Variants in PTPRR observed in about 807,000 individuals in gnomAD.
The protein encoded by PTPRR is protein tyrosine phosphatase receptor type R.
In PTPRR, 38 loss-of-function variants were observed where a neutral mutation model predicts 77.2. That is an observed-to-expected ratio of 0.49 (90% confidence interval 0.38 to 0.65). PTPRR has a LOEUF of 0.65. Ranked by LOEUF, PTPRR falls within the 30% of genes least tolerant of loss-of-function variation. The pLI is 0.00. For synonymous variants in PTPRR, 299 were observed against 283.1 expected, an observed-to-expected ratio of 1.06 and a Z score of -0.57; for missense variants, 744 against 799.2, an observed-to-expected ratio of 0.93 and a Z score of 0.83.
In PTPRR at chr12:70,848,765, T is replaced by C. The variant is rs61930366; in HGVS notation, c.357+43914A>G. On this transcript the variant is annotated intron_variant, in intron 2 of 13. Coordinates refer to ENST00000283228, the MANE Select transcript of PTPRR (RefSeq NM_002849.4). The stretch of plus-strand genomic sequence containing the variant: ...AATCATTCACAATTTAGATGACTTA[T>C]AGTTACACCAAAACACTGGGGTAGA... Among the ~76,000 whole-genome samples, 470 of 152,350 alleles carry C rather than the reference T, an allele frequency of 3.1e-3. 1 individual carries two copies. Among genetic ancestry groups the C allele is most frequent in the Non-Finnish European group, 5.7e-3 (386 of 68,034 alleles).
chr12:70,702,728 T>G lies in PTPRR; in HGVS notation c.1008-1405A>C, dbSNP rs540805082. Among the ~76,000 whole-genome samples, 3 of 152,326 alleles carry G rather than the reference T, an allele frequency of 2.0e-5. No homozygotes were observed. The South Asian group carries it at 6.2e-4, about 32-fold the overall frequency. On this transcript the variant is annotated intron_variant, in intron 6 of 13. Coordinates refer to ENST00000283228, the MANE Select transcript of PTPRR (RefSeq NM_002849.4). ...ATTTCTAAATGGTTTGTAATTGAGATTTTAATTTCTACTTTAATTTGATGG... is the reference window on the plus strand; with the variant it reads ...ATTTCTAAATGGTTTGTAATTGAGAGTTTAATTTCTACTTTAATTTGATGG...
At chr12:70,733,271 C>A (rs1293000550) in intron 6 of PTPRR, among the ~76,000 whole-genome samples, 1 of 151,224 alleles carries the variant, frequency 6.6e-6, no homozygotes, top group East Asian at 1.9e-4. Context: ...GAAAGTATAT[C>A]ATATTTAAAA....
At chr12:70,759,431 G>A (rs142625976) in intron 4 of PTPRR, among the ~76,000 whole-genome samples, 79 of 152,132 alleles carry the variant, frequency 5.2e-4, no homozygotes, top group Non-Finnish European at 9.1e-4. Context: ...GAGCATCTTC[G>A]TCTGTGGAGG....
chr12:70,848,566 T>C (rs1291695043), intron 2 of PTPRR, among the ~76,000 whole-genome samples: 2 of 152,188 alleles, frequency 1.3e-5, no homozygotes, highest in East Asian at 3.8e-4. Flanking sequence ...TCAAGTGATC[T>C]GTCCGCCTTG....
chr12:70,775,048 A>G (rs1378406472), intron 2 of PTPRR, among the ~76,000 whole-genome samples: 1 of 152,234 alleles, frequency 6.6e-6, no homozygotes, highest in Non-Finnish European at 1.5e-5. Flanking sequence ...TTTAACATAC[A>G]AATGATTTAA....
chr12:70,724,983 C>A (rs894091350), intron 6 of PTPRR, among the ~76,000 whole-genome samples: 6 of 151,970 alleles, frequency 3.9e-5, no homozygotes, highest in African/African-American at 1.2e-4. Flanking sequence ...TTAATAAGGG[C>A]TGGAGAAATA....
intron 2 of PTPRR, among the ~76,000 whole-genome samples, chr12:70,811,817 A>G (rs1355131762): frequency 1.3e-5 from 2 of 152,208 alleles, no homozygotes; most frequent in Non-Finnish European, 2.9e-5. Flanking sequence ...AATAGCTCTA[A>G]GCAGTGGACA....
At chr12:70,771,794 G>A (rs527977892) in intron 2 of PTPRR, among the ~76,000 whole-genome samples, 1 of 152,236 alleles carries the variant, frequency 6.6e-6, no homozygotes, top group African/African-American at 2.4e-5. Context: ...CATAAGGCCT[G>A]TCTTGGCAGT....
chr12:70,680,347 G>A (rs888175971), intron 10 of PTPRR, among the ~76,000 whole-genome samples: 5 of 152,248 alleles, frequency 3.3e-5, no homozygotes, highest in African/African-American at 1.2e-4. Context: ...TGCATCTGAT[G>A]GAATGGTCAA....
At chr12:70,709,691 C>T (rs4760784) in intron 6 of PTPRR, among the ~76,000 whole-genome samples, 47,832 of 151,652 alleles carry the variant, frequency 0.32, 7,774 homozygotes, top group South Asian at 0.48. Flanking sequence ...TCTTGTACAC[C>T]AACAACAGTC....
intron 6 of PTPRR, among the ~76,000 whole-genome samples, chr12:70,732,357 T>C (rs1889690788): frequency 6.6e-6 from 1 of 152,178 alleles, no homozygotes; most frequent in Non-Finnish European, 1.5e-5. Flanking sequence ...AAACAAATGA[T>C]TCAGAAGATC....
chr12:70,837,544 C>T (rs1039062826), intron 2 of PTPRR, among the ~76,000 whole-genome samples: 1 of 152,050 alleles, frequency 6.6e-6, no homozygotes, highest in African/African-American at 2.4e-5. Context: ...CTCAGGGAAA[C>T]ATGTTTACTT....
chr12:70,674,664 T>C (rs976882836), intron 10 of PTPRR, among the ~76,000 whole-genome samples: 3 of 152,196 alleles, frequency 2.0e-5, no homozygotes, highest in African/African-American at 7.2e-5. Flanking sequence ...TTGGTCACTT[T>C]TCACAAAATC....
intron 3 of PTPRR, among the ~76,000 whole-genome samples, chr12:70,763,473 G>A (rs1307157513): frequency 1.3e-5 from 2 of 152,112 alleles, no homozygotes; most frequent in African/African-American, 2.4e-5. Flanking sequence ...TCTGTGGTAT[G>A]AGTTAAAACT....
chr12:70,919,533 C>G (rs1592833578), intron 1 of PTPRR, among the ~76,000 whole-genome samples: 1 of 152,228 alleles, frequency 6.6e-6, no homozygotes, highest in East Asian at 1.9e-4. Flanking sequence ...TTTGCTTCCT[C>G]ACGAGACTTG....
chr12:70,760,587 C>T (rs1299166494), intron 4 of PTPRR, among the ~76,000 whole-genome samples: 1 of 152,076 alleles, frequency 6.6e-6, no homozygotes, highest in African/African-American at 2.4e-5. Context: ...TGAGGCCAGG[C>T]ATTCAAGACC....
intron 1 of PTPRR, among the ~76,000 whole-genome samples, chr12:70,912,984 TA>T (rs1014189351): frequency 6.6e-6 from 1 of 151,980 alleles, no homozygotes; most frequent in Non-Finnish European, 1.5e-5. Flanking sequence ...AATCCCCTTT[TA>T]AAGGAAAAAA....
At chr12:70,675,056 A>G (rs1887392836) in intron 10 of PTPRR, among the ~76,000 whole-genome samples, 2 of 152,012 alleles carry the variant, frequency 1.3e-5, no homozygotes, top group African/African-American at 4.8e-5. Context: ...GACATTCTTT[A>G]TCTCTGGTAA....
intron 6 of PTPRR, among the ~76,000 whole-genome samples, chr12:70,732,137 G>A (rs1042365697): frequency 1.3e-5 from 2 of 152,208 alleles, no homozygotes; most frequent in Non-Finnish European, 2.9e-5. Flanking sequence ...GGCAAAGTGG[G>A]CCTCTGCCAT....
Sources: allele counts gnomAD v4.1 joint callset (sites outside exome capture counted in the v4.1 genomes callset), GRCh38; gene constraint gnomAD v4.1.1; transcripts MANE v1.5; gene names NCBI Gene and HGNC (gene_info 2026-07-23, HGNC 2026-07-21).